The following MECR variants were observed in gnomAD, a reference collection of about 807,000 sequenced individuals.
MECR encodes the protein enoyl-[acyl-carrier-protein] reductase, mitochondrial.
A neutral mutation model predicts 49.1 loss-of-function variants in MECR; 37 were observed. The ratio of observed to expected loss-of-function variants is 0.75; its 90% CI spans 0.58 to 0.99. MECR has a LOEUF of 0.99. MECR is among the 50% of genes least tolerant of loss of function. The pLI, the probability that MECR is intolerant of heterozygous loss-of-function variation, is 0.00. For missense variants in MECR, 470 were observed against 479.6 expected, an observed-to-expected ratio of 0.98 and a Z score of 0.19; for synonymous variants, 198 against 191.1, an observed-to-expected ratio of 1.04 and a Z score of -0.30.
the MECR span, chr1:29,172,238 T>TA: frequency 6.6e-6 from 1 of 152,172 alleles, no homozygotes; most frequent in African/African-American, 2.4e-5. Flanking sequence ...CTCTATTTAT[T>TA]ATTCATTCAA....
the MECR span, among the ~76,000 whole-genome samples, chr1:29,184,447 A>G: frequency 4.6e-5 from 7 of 152,152 alleles, no homozygotes; most frequent in African/African-American, 1.7e-4. Context: ...CCGGCAAGAA[A>G]TCTATTTTGA....
At chr1:29,181,265 C>A in the MECR span, among the ~76,000 whole-genome samples, 2 of 152,230 alleles carry the variant, frequency 1.3e-5, no homozygotes, top group Non-Finnish European at 2.9e-5. Context: ...TTCCAGTAGT[C>A]CTCAGAGCGG....
chr1:29,219,230 CA>C (rs1263317225), intron 1 of MECR, among the ~76,000 whole-genome samples: 1 of 152,256 alleles, frequency 6.6e-6, no homozygotes, highest in African/African-American at 2.4e-5. Context: ...CTGCCCAGAG[CA>C]AATGGATTTC....
the MECR span, among the ~76,000 whole-genome samples, chr1:29,180,583 T>A: frequency 6.6e-6 from 1 of 152,184 alleles, no homozygotes; most frequent in Non-Finnish European, 1.5e-5. Context: ...GGTAGCTATA[T>A]TACAACTGTT....
At chr1:29,208,788 T>C (rs1677234443) in intron 3 of MECR, among the ~76,000 whole-genome samples, 1 of 152,070 alleles carries the variant, frequency 6.6e-6, no homozygotes, top group Non-Finnish European at 1.5e-5. Context: ...TTCATTCTAG[T>C]GGAGTCGAAC....
chr1:29,186,874 C>G, the MECR span, among the ~76,000 whole-genome samples: 1 of 152,236 alleles, frequency 6.6e-6, no homozygotes, highest in African/African-American at 2.4e-5. Context: ...CACTTCACAT[C>G]TCTGGGAGGC....
At chr1:29,221,647 C>A (rs1296215269) in intron 1 of MECR, among the ~76,000 whole-genome samples, 3 of 152,082 alleles carry the variant, frequency 2.0e-5, no homozygotes, top group Non-Finnish European at 4.4e-5. Flanking sequence ...TTGGCTTGGA[C>A]AACTGAATGC....
intron 9 of MECR, among the ~76,000 whole-genome samples, chr1:29,194,487 A>G (rs1166668223): frequency 1.3e-5 from 2 of 152,146 alleles, no homozygotes; most frequent in Non-Finnish European, 2.9e-5. Context: ...CACAGTGGAG[A>G]CAGGAGCACT....
the MECR span, among the ~76,000 whole-genome samples, chr1:29,174,505 A>T: frequency 6.6e-6 from 1 of 152,132 alleles, no homozygotes; most frequent in Non-Finnish European, 1.5e-5. Flanking sequence ...AGTACTATGT[A>T]GCCATTAGAA....
At chr1:29,200,777 G>A (rs552728836) in intron 6 of MECR, among the ~76,000 whole-genome samples, 188 bp from the exon 7 acceptor site, 1 of 152,148 alleles carries the variant, frequency 6.6e-6, no homozygotes, top group East Asian at 1.9e-4. Context: ...CTTAGGAAGT[G>A]TCTTTTCTTT....
chr1:29,206,665 C>A, intron 4 of MECR, 97 bp downstream of exon 4: 1 of 1,443,044 alleles, frequency 6.9e-7, no homozygotes. Flanking sequence ...CCCCTCAAAA[C>A]CTCCACCTTG....
intron 1 of MECR, chr1:29,220,836 A>G: frequency 1.2e-6 from 1 of 865,024 alleles, no homozygotes; most frequent in Non-Finnish European, 1.4e-6. Context: ...GGTAGTACCT[A>G]CACAGTAGAT....
At chr1:29,221,700 A>C (rs947875255) in intron 1 of MECR, among the ~76,000 whole-genome samples, 12 of 152,306 alleles carry the variant, frequency 7.9e-5, no homozygotes, top group African/African-American at 2.6e-4. Context: ...GAGGGGACAC[A>C]GGTGACCTGC....
At chr1:29,217,270 C>A (rs1232098694) in intron 1 of MECR, among the ~76,000 whole-genome samples, 1 of 144,156 alleles carries the variant, frequency 6.9e-6, no homozygotes, top group Non-Finnish European at 1.5e-5. Flanking sequence ...AGTGCAGTGA[C>A]ACAATCTCGG....
In MECR at chr1:29,200,580, G is replaced by T. The variant is rs1379510731; in HGVS notation, c.766C>A (p.Gln256Lys). The change falls in exon 7 of 10, where the codon CAG becomes AAG. Residue 256 changes from glutamine (Q) to lysine (K), a missense_variant. Gln to Lys is a moderately conservative substitution (Grantham distance 53). Transcript: ENST00000263702. ...ACACAGTTGAGAGCAAGCCGTGGCT[G>T]GGGCATGTCCTGGAAAACAACAAAA... ...EMKNFFKDMP[Q>K]PRLALNCVGG... The T allele has an allele frequency of 6.2e-7, 1 of 1,613,726 alleles. No individual in the cohort carries two copies. The highest frequency in any genetic ancestry group is 1.1e-5 in the South Asian group (1 of 91,026).
chr1:29,180,400 A>G, the MECR span, among the ~76,000 whole-genome samples: 6 of 152,238 alleles, frequency 3.9e-5, no homozygotes, highest in East Asian at 5.8e-4. Context: ...GTACTTTACT[A>G]AAGACGTCCT....
chr1:29,176,979 T>C, the MECR span, among the ~76,000 whole-genome samples: 2 of 150,750 alleles, frequency 1.3e-5, no homozygotes, highest in East Asian at 3.9e-4. Flanking sequence ...TTCTAGCTAC[T>C]AGACAGGCAA....
At chr1:29,197,890 G>A (rs895165929) in intron 7 of MECR, among the ~76,000 whole-genome samples, 9 of 152,236 alleles carry the variant, frequency 5.9e-5, no homozygotes, top group Non-Finnish European at 1.2e-4. Context: ...AGATGAGAAA[G>A]CTGAAGTCCA....
intron 4 of MECR, 54 bp from the exon 5 acceptor site, chr1:29,203,287 C>A: frequency 7.3e-7 from 1 of 1,379,004 alleles, no homozygotes; most frequent in South Asian, 1.3e-5. Flanking sequence ...TGCAATAGGT[C>A]AAAGGCTCCC....
Sources: gnomAD v4.1 joint callset for allele counts (sites outside exome capture counted in the v4.1 genomes callset) on GRCh38, gnomAD v4.1.1 for gene constraint, MANE v1.5 for transcripts, NCBI Gene and HGNC (gene_info 2026-07-23, HGNC 2026-07-21) for gene names.